Variants in TMEM192 observed in about 807,000 individuals in gnomAD.
The protein encoded by TMEM192 is transmembrane protein 192.
Under a neutral mutation model 26.7 loss-of-function variants are expected in TMEM192, and 20 were observed. The observed-to-expected ratio is 0.75, with a 90% CI of 0.53 to 1.09. The LOEUF (loss-of-function observed/expected upper bound fraction) is 1.09, where lower values mean the gene tolerates loss of function less well. Ranked by LOEUF, TMEM192 falls within the 50% of genes least tolerant of loss-of-function variation. TMEM192 has a pLI of 0.00. For synonymous variants in TMEM192, 124 were observed against 121.0 expected (o/e 1.02, Z -0.16); for missense variants, 304 against 322.6 (o/e 0.94, Z 0.44).
At position 165,073,773 on chromosome 4, in the gene TMEM192, G is replaced by A. The variant is rs1734316876; in HGVS notation, c.*5885C>T. ...CTGTTACTCTTTGCTACACTGAAAT[G>A]TTTGTGTAAAGAGAAACGTAAATCT... On this transcript the variant is annotated 3_prime_UTR_variant, in exon 6 of 6. Transcript: ENST00000306480. 1 of 152,170 alleles carries A rather than the reference G, an allele frequency of 6.6e-6. No individual in the cohort carries two copies. The highest frequency in any genetic ancestry group is 2.4e-5 in the African/African-American group (1 of 41,426). The allele number at this position is 152,170 out of a possible 1,614,324, so 9.4% of individuals were successfully genotyped here.
chr4:165,092,951 A>C (rs973855943), intron 3 of TMEM192, among the ~76,000 whole-genome samples: 6 of 151,852 alleles, frequency 4.0e-5, no homozygotes, highest in African/African-American at 1.4e-4. Flanking sequence ...ATATCACTGG[A>C]TTAAAAAAAA....
intron 2 of TMEM192, among the ~76,000 whole-genome samples, chr4:165,101,517 C>T (rs1735038410): frequency 6.6e-6 from 1 of 152,092 alleles, no homozygotes; most frequent in Non-Finnish European, 1.5e-5. Context: ...CAGGCCTGTG[C>T]CACCATGCCT....
At chr4:165,102,328 T>C (rs147699180) in intron 2 of TMEM192, among the ~76,000 whole-genome samples, 1,751 of 152,258 alleles carry the variant, frequency 0.012, 17 homozygotes, top group South Asian at 0.026. Flanking sequence ...AAAAATCAAG[T>C]AGTATTCAAA....
At chr4:165,085,298 C>T (rs1328277647) in intron 5 of TMEM192, among the ~76,000 whole-genome samples, 1 of 149,098 alleles carries the variant, frequency 6.7e-6, no homozygotes, top group Non-Finnish European at 1.5e-5. Context: ...AAAAAAGACA[C>T]CTATAAAAAA....
At chr4:165,110,625 A>C (rs1258951095) in intron 1 of TMEM192, among the ~76,000 whole-genome samples, 1 of 152,234 alleles carries the variant, frequency 6.6e-6, no homozygotes, top group Non-Finnish European at 1.5e-5. Flanking sequence ...GAATCACTTG[A>C]ACCCGGGAGG....
intron 3 of TMEM192, among the ~76,000 whole-genome samples, chr4:165,089,886 G>A (rs1415991448): frequency 1.3e-5 from 2 of 152,006 alleles, no homozygotes; most frequent in Non-Finnish European, 2.9e-5. Flanking sequence ...TTTTTGTATA[G>A]AGTTCCTAAA....
chr4:165,076,029 A>G lies in TMEM192; in HGVS notation c.*3629T>C, dbSNP rs904687938. 1 of 151,790 alleles carries G rather than the reference A, an allele frequency of 6.6e-6. No homozygotes were observed. 9.4% of individuals were successfully genotyped at this position (151,790 alleles called of 1,614,324 possible). A position where few individuals can be genotyped will look rare whatever the true frequency, so the allele number is the denominator to read the frequency against. On this transcript the variant is annotated 3_prime_UTR_variant, in exon 6 of 6. Transcript: ENST00000306480. ...CAGCCTGGGAGACAGATGAGACTAA[A>G]AAAAAAAACAAAACAAAAAAAGTGT... is the stretch of plus-strand genomic sequence containing the variant.
chr4:165,109,162 CTACCA>C (rs1735239055), intron 1 of TMEM192, among the ~76,000 whole-genome samples: 1 of 152,138 alleles, frequency 6.6e-6, no homozygotes, highest in Admixed American at 6.6e-5. Flanking sequence ...GTATCATAAC[CTACCA>C]TACTAAGCAC....
intron 3 of TMEM192, among the ~76,000 whole-genome samples, chr4:165,096,002 G>A (rs1375099439): frequency 1.4e-5 from 2 of 143,678 alleles, no homozygotes; most frequent in Admixed American, 7.0e-5. Flanking sequence ...TCACCATGTT[G>A]GCCAGGCCTG....
At chr4:165,096,961 C>CTT (rs58895775) in intron 3 of TMEM192, among the ~76,000 whole-genome samples, 50 of 150,050 alleles carry the variant, frequency 3.3e-4, no homozygotes, top group Middle Eastern at 3.4e-3. Flanking sequence ...TAAGTTTTTT[C>CTT]TTTTTTTTTA....
At chr4:165,108,030 C>G (rs1433206049) in intron 1 of TMEM192, among the ~76,000 whole-genome samples, 1 of 151,396 alleles carries the variant, frequency 6.6e-6, no homozygotes, top group Admixed American at 6.6e-5. Flanking sequence ...TTTCCTGCCT[C>G]TTAGCATGCC....
At chr4:165,092,223 G>A (rs1422998889) in intron 3 of TMEM192, among the ~76,000 whole-genome samples, 1 of 138,666 alleles carries the variant, frequency 7.2e-6, no homozygotes, top group Non-Finnish European at 1.5e-5. Context: ...CTGGGTTCAA[G>A]TGATTATCCT....
At chr4:165,090,185 TG>T (rs1332163782) in intron 3 of TMEM192, among the ~76,000 whole-genome samples, 8 of 117,816 alleles carry the variant, frequency 6.8e-5, no homozygotes, top group African/African-American at 1.3e-4. Flanking sequence ...CACTCCAGCC[TG>T]GGCAACAAGA....
chr4:165,090,613 A>G (rs1446473741), intron 3 of TMEM192, among the ~76,000 whole-genome samples: 2 of 152,068 alleles, frequency 1.3e-5, no homozygotes, highest in Non-Finnish European at 1.5e-5. Flanking sequence ...ACAGAACTCA[A>G]GAAGAGAGGG....
chr4:165,088,349 A>C, intron 4 of TMEM192, 119 bp downstream of exon 4: 1 of 889,808 alleles, frequency 1.1e-6, no homozygotes, highest in South Asian at 2.4e-5. Flanking sequence ...AGAAGTCTGC[A>C]TGTGGTCACC....
intron 2 of TMEM192, among the ~76,000 whole-genome samples, chr4:165,102,286 G>A (rs139881309): frequency 0.012 from 1,893 of 151,966 alleles, 15 homozygotes; most frequent in Middle Eastern, 0.055. Flanking sequence ...CATCTTTTTT[G>A]TAACTGAAAA....
rs57000009 is a variant in TMEM192 at position 165,072,553 on chromosome 4, TC to T, written c.*7104del. On this transcript the variant is annotated 3_prime_UTR_variant, in exon 6 of 6. Transcript: ENST00000306480. ...GCCTGGGCAACAGAGCGAGACTCCC[TC>T]CCCCAAAAAAAAAAAACAAAACCAA... 119,465 of 145,028 alleles carry T rather than the reference TC, an allele frequency of 0.82. 50,458 individuals carry two copies. The highest frequency in any genetic ancestry group is 0.93 in the East Asian group (4,630 of 4,958). The allele number at this position is 145,028 out of a possible 1,614,324, so 9.0% of individuals were successfully genotyped here.
In TMEM192 at chr4:165,102,907, A is replaced by G. The variant is rs761200969; in HGVS notation, c.174+43T>C. On this transcript the variant is annotated intron_variant, in intron 2 of 5. Coordinates refer to ENST00000306480, the MANE Select transcript of TMEM192 (RefSeq NM_001100389.2). ...TCTGAAACACTTATATAATTTTTAC[A>G]AACATCACCTCTGGATAGGTCCCCT... 4 of 1,537,824 alleles carry G rather than the reference A, an allele frequency of 2.6e-6. No individual in the cohort carries two copies. The South Asian group carries it at 3.8e-5, about 15-fold the overall frequency.
rs540100793 is a variant in TMEM192, at chr4:165,088,888, A to C, written c.440-286T>G. 4.0e-5 allele frequency among the ~76,000 whole-genome samples: 6 copies of C among 151,840 alleles called. No homozygotes were observed. The East Asian group carries it at 9.7e-4, about 25-fold the overall frequency. On this transcript the variant is annotated intron_variant, in intron 3 of 5. Transcript: ENST00000306480. ...ACCCCATCTCTATAAAAAAATATAAAAAATTAGCCAGGCATGGTGGCACAC... is the reference window on the plus strand; with the variant it reads ...ACCCCATCTCTATAAAAAAATATAACAAATTAGCCAGGCATGGTGGCACAC...
Sources: gnomAD v4.1 joint callset for allele counts (sites outside exome capture counted in the v4.1 genomes callset) on GRCh38, gnomAD v4.1.1 for gene constraint, MANE v1.5 for transcripts, NCBI Gene and HGNC (gene_info 2026-07-23, HGNC 2026-07-21) for gene names.